ZNF676: variants seen among roughly 807,000 people sequenced by gnomAD.
The protein encoded by ZNF676 is zinc finger protein 676.
A neutral mutation model predicts 6.0 loss-of-function variants in ZNF676; 4 were observed. The observed-to-expected ratio is 0.67, with a 90% confidence interval of 0.33 to 1.53. The LOEUF is 1.53. ZNF676 is among the 40% of genes most tolerant of loss of function. The pLI is 0.06. For missense variants in ZNF676, 644 were observed against 679.7 expected (o/e 0.95, Z 0.58); for synonymous variants, 198 against 223.1 (o/e 0.89, Z 1.00).
intron 2 of ZNF676, among the ~76,000 whole-genome samples, chr19:22,181,842 A>T (rs1000749202): frequency 5.9e-5 from 9 of 152,194 alleles, no homozygotes; most frequent in African/African-American, 2.2e-4. Context: ...ATAGAAAACA[A>T]GAAAAGTTTG....
At chr19:22,219,659 AT>A (rs916018890), upstream of ZNF676, among the ~76,000 whole-genome samples, 2,918 of 143,642 alleles carry the variant, frequency 0.02, 84 homozygotes, top group African/African-American at 0.066. Flanking sequence ...TCACAGATAG[AT>A]TTTTTTTTTT....
intron 2 of ZNF676, among the ~76,000 whole-genome samples, chr19:22,187,878 T>G (rs564817535): frequency 3.9e-5 from 6 of 152,178 alleles, no homozygotes; most frequent in Admixed American, 3.3e-4. Flanking sequence ...GCGGTACTTA[T>G]GGGCCTACCA....
chr19:22,226,802 T>C, the ZNF676 span, among the ~76,000 whole-genome samples: 1 of 152,132 alleles, frequency 6.6e-6, no homozygotes, highest in Non-Finnish European at 1.5e-5. Flanking sequence ...TTTCACCATG[T>C]TGGTCTGGCT....
chr19:22,239,608 G>A, the ZNF676 span, among the ~76,000 whole-genome samples: 1 of 152,120 alleles, frequency 6.6e-6, no homozygotes, highest in Non-Finnish European at 1.5e-5. Flanking sequence ...TTGCATACTG[G>A]GCCCTGGGAT....
At chr19:22,227,348 C>T in the ZNF676 span, among the ~76,000 whole-genome samples, 15 of 152,254 alleles carry the variant, frequency 9.9e-5, no homozygotes, top group African/African-American at 3.6e-4. Context: ...ATCTCTGGGT[C>T]ACAGACAAAG....
intron 1 of ZNF676, among the ~76,000 whole-genome samples, chr19:22,206,704 A>G (rs551827745): frequency 6.6e-6 from 1 of 152,150 alleles, no homozygotes; most frequent in African/African-American, 2.4e-5. Context: ...TCAACAAACT[A>G]CTAGCAAACC....
intron 1 of ZNF676, among the ~76,000 whole-genome samples, chr19:22,202,433 C>T (rs2024035206): frequency 2.0e-5 from 3 of 152,164 alleles, no homozygotes; most frequent in African/African-American, 7.2e-5. Context: ...CTTCGCAGCA[C>T]AATTGTGAAT....
chr19:22,212,181 C>CA (rs1363078495), intron 1 of ZNF676, among the ~76,000 whole-genome samples: 2 of 126,542 alleles, frequency 1.6e-5, no homozygotes, highest in Non-Finnish European at 3.1e-5. Context: ...GCCTGGGTGA[C>CA]AGAGCGAGAT....
At chr19:22,220,674 C>T (rs1051234867), upstream of ZNF676, among the ~76,000 whole-genome samples, 17 of 152,032 alleles carry the variant, frequency 1.1e-4, no homozygotes, top group Admixed American at 9.8e-4. Context: ...TCAGACTGGT[C>T]TCAAACACCT....
chr19:22,181,810 T>C (rs2023758019), intron 2 of ZNF676, among the ~76,000 whole-genome samples: 1 of 152,142 alleles, frequency 6.6e-6, no homozygotes, highest in Admixed American at 6.6e-5. Context: ...TTTCCTCAAT[T>C]AAGCCCAATG....
chr19:22,241,175 G>A, the ZNF676 span, among the ~76,000 whole-genome samples: 2 of 151,948 alleles, frequency 1.3e-5, no homozygotes, highest in Non-Finnish European at 2.9e-5. Context: ...GGAAGTCAAA[G>A]CGCTCAGATT....
At chr19:22,186,789 G>A (rs2023845761) in intron 2 of ZNF676, among the ~76,000 whole-genome samples, 1 of 152,120 alleles carries the variant, frequency 6.6e-6, no homozygotes, top group Non-Finnish European at 1.5e-5. Context: ...ACAAAGATGG[G>A]CATTACATAA....
At chr19:22,250,360 C>T in the ZNF676 span, among the ~76,000 whole-genome samples, 2 of 152,050 alleles carry the variant, frequency 1.3e-5, no homozygotes, top group Non-Finnish European at 2.9e-5. Flanking sequence ...GTTTGGAAAG[C>T]TAAGTCTTTA....
the ZNF676 span, among the ~76,000 whole-genome samples, chr19:22,229,711 A>G: frequency 6.6e-6 from 1 of 152,226 alleles, no homozygotes; most frequent in African/African-American, 2.4e-5. Flanking sequence ...CACTTCTCAA[A>G]AGAAGACATT....
the ZNF676 span, among the ~76,000 whole-genome samples, chr19:22,255,662 G>A: frequency 1.3e-5 from 2 of 151,946 alleles, no homozygotes; most frequent in African/African-American, 2.4e-5. Context: ...TGGCTAACAC[G>A]GTGAAACCCT....
chr19:22,260,138 C>G, the ZNF676 span, among the ~76,000 whole-genome samples: 1,131 of 152,206 alleles, frequency 7.4e-3, 1 homozygote, highest in African/African-American at 0.025. Context: ...GGCCAGATTC[C>G]CCAAAGTCAG....
At chr19:22,240,804 A>G in the ZNF676 span, among the ~76,000 whole-genome samples, 1 of 152,036 alleles carries the variant, frequency 6.6e-6, no homozygotes, top group Non-Finnish European at 1.5e-5. Flanking sequence ...AAAAAGAGAG[A>G]AAAGCATCAC....
At chr19:22,182,428 T>TA (rs1221385102) in intron 2 of ZNF676, among the ~76,000 whole-genome samples, 1 of 151,620 alleles carries the variant, frequency 6.6e-6, no homozygotes, top group Non-Finnish European at 1.5e-5. Context: ...AAAATGTATA[T>TA]ACTAATTTTA....
chr19:22,208,279 C>A (rs1399685797), intron 1 of ZNF676, among the ~76,000 whole-genome samples: 5 of 143,154 alleles, frequency 3.5e-5, no homozygotes, highest in Non-Finnish European at 3.1e-5. Flanking sequence ...AAAAGAAGAC[C>A]AAAAAAAAAA....
Sources: allele counts gnomAD v4.1 joint callset (sites outside exome capture counted in the v4.1 genomes callset), GRCh38; gene constraint gnomAD v4.1.1; transcripts MANE v1.5; gene names NCBI Gene and HGNC (gene_info 2026-07-23, HGNC 2026-07-21).